F7: variants seen among roughly 807,000 people sequenced by gnomAD.
F7 encodes FVII coagulation protein.
Under a neutral mutation model 47.5 loss-of-function variants are expected in F7, and 38 were observed. The ratio of observed to expected loss-of-function variants is 0.80; its 90% CI spans 0.62 to 1.05. The LOEUF is 1.05. F7 is among the 50% of genes least tolerant of loss of function. F7 has a pLI of 0.00. For missense variants in F7, 575 were observed against 605.4 expected (o/e 0.95, Z 0.53); for synonymous variants, 244 against 258.5 (o/e 0.94, Z 0.54).
chr13:113,118,925 G>T lies in F7; in HGVS notation c.1252G>T (p.Val418Phe). 2 of 1,611,656 alleles carry T rather than the reference G, an allele frequency of 1.2e-6. No homozygotes were observed. Among genetic ancestry groups the T allele is most frequent in the Non-Finnish European group, 8.5e-7 (1 of 1,179,956 alleles). ...GGGCCACTTTGGGGTGTACACCAGGGTCTCCCAGTACATCGAGTGGCTGCA... is the reference window on the plus strand; with the variant it reads ...GGGCCACTTTGGGGTGTACACCAGGTTCTCCCAGTACATCGAGTGGCTGCA... ...TVGHFGVYTRVSQYIEWLQKL... is the reference protein window; with the variant it reads ...TVGHFGVYTRFSQYIEWLQKL... Residue 418 changes from valine to phenylalanine, a missense_variant, in exon 8 of 8, where the codon GTC becomes TTC. Val to Phe is a conservative substitution (Grantham distance 50). Coordinates refer to ENST00000346342, the MANE Select transcript of F7 (RefSeq NM_019616.4).
chr13:113,116,729 C>G, intron 5 of F7, 37 bp from the exon 6 acceptor site: 4 of 1,485,300 alleles, frequency 2.7e-6, no homozygotes, highest in Non-Finnish European at 3.8e-6. Flanking sequence ...TCATCCCTCA[C>G]AAATCTCTGC....
At position 113,113,730 on chromosome 13, in the gene F7, G is replaced by A. The variant is rs1450079731; in HGVS notation, c.226-22G>A. On this transcript the variant is annotated intron_variant, in intron 2 of 7. Transcript: ENST00000346342. The surrounding 1 kb of genome is among the most constrained non-coding windows in gnomAD (Gnocchi z 4.1). ...CTCTGGTGAAGGTGCATCTCACGAG[G>A]CTTGCTCTCTTGTTCCTTCAGAAGC... 1 of 1,612,864 alleles carries A rather than the reference G, an allele frequency of 6.2e-7. No homozygotes were observed. Among genetic ancestry groups the A allele is most frequent in the Non-Finnish European group, 8.5e-7 (1 of 1,178,956 alleles).
chr13:113,118,613 G>C lies in F7; in HGVS notation c.940G>C (p.Val314Leu), dbSNP rs374305125. The change falls in exon 8 of 8, where the codon GTG (valine) becomes CTG (leucine). Residue 314 changes from valine (V) to leucine (L), a missense_variant. By Grantham distance (32) the Val-to-Leu change is conservative. Transcript: ENST00000346342. Reference protein sequence around the residue: ...RTFSERTLAFVRFSLVSGWGQ... With the variant: ...RTFSERTLAFLRFSLVSGWGQ... ...GTTCTCTGAGAGGACGCTGGCCTTC[G>C]TGCGCTTCTCATTGGTCAGCGGCTG... The C allele has an allele frequency of 2.5e-6, 4 of 1,612,806 alleles. No individual in the cohort carries two copies. In the African/African-American group the frequency reaches 4.0e-5, roughly 16 times the overall value.
At chr13:113,114,979 G>C (rs534709947) in intron 4 of F7, 1 of 156,958 alleles carries the variant, frequency 6.4e-6, no homozygotes, top group African/African-American at 2.4e-5. Flanking sequence ...CAGCAAGCTG[G>C]AGGAGGCTGA....
In F7 at chr13:113,106,847, G is replaced by A. The variant is rs138470706; in HGVS notation, c.64+942G>A. The A allele has an allele frequency of 1.7e-5, 28 of 1,600,404 alleles. No individual in the cohort carries two copies. The highest frequency in any genetic ancestry group is 1.6e-4 in the Middle Eastern group (1 of 6,072). ...CCCCGGCCACCTTCCTGCCCCAGGC[G>A]GGGTCGCTAAGGCCTCAGGAGGAGA... On this transcript the variant is annotated intron_variant, in intron 1 of 7. Transcript: ENST00000346342.
At chr13:113,115,978 A>G (rs2142225518) in intron 5 of F7, among the ~76,000 whole-genome samples, 178 bp downstream of exon 5, 1 of 152,328 alleles carries the variant, frequency 6.6e-6, no homozygotes, top group South Asian at 2.1e-4. Context: ...AGCGACAGTG[A>G]CTAGGATGGG....
intron 1 of F7, among the ~76,000 whole-genome samples, chr13:113,107,228 C>G (rs2035978295): frequency 6.6e-6 from 1 of 151,400 alleles, no homozygotes; most frequent in Non-Finnish European, 1.5e-5. Flanking sequence ...TCTGCTCACA[C>G]CAGCCTCCAA....
At chr13:113,115,616 G>A (rs1216175846) in intron 4 of F7, 44 bp from the exon 5 acceptor site, 3 of 1,603,592 alleles carry the variant, frequency 1.9e-6, no homozygotes, top group Non-Finnish European at 2.6e-6. Flanking sequence ...GGCTCTCGCT[G>A]ACCCCCAGAA....
chr13:113,116,455 A>G (rs990361214), intron 5 of F7, among the ~76,000 whole-genome samples: 17 of 152,248 alleles, frequency 1.1e-4, no homozygotes, highest in Admixed American at 8.5e-4. Context: ...CAAACAACAC[A>G]TCTTCTCCCT....
chr13:113,112,303 T>C (rs1261660804), intron 2 of F7, among the ~76,000 whole-genome samples: 17 of 119,174 alleles, frequency 1.4e-4, no homozygotes, highest in Non-Finnish European at 2.6e-4. Flanking sequence ...CAGGTCACCT[T>C]ACTCTCACAG....
At chr13:113,118,160 G>C (rs1161100226) in intron 7 of F7, among the ~76,000 whole-genome samples, 1 of 152,130 alleles carries the variant, frequency 6.6e-6, no homozygotes, top group African/African-American at 2.4e-5. Context: ...CCTCCCAGCT[G>C]CCAGGGCACA....
rs750680622 is a variant in F7, at chr13:113,117,462, C to T, written c.616-11C>T. The T allele has an allele frequency of 1.2e-6, 2 of 1,613,774 alleles. No individual in the cohort carries two copies. The highest frequency in any genetic ancestry group is 2.2e-5 in the East Asian group (1 of 44,856). ...CAATGTGACTTCCACACCTCCTGTC[C>T]CCCCGCCCAGGTCCTGTTGTTGGTG... On this transcript the variant is annotated splice_polypyrimidine_tract_variant and intron_variant, in intron 6 of 7. Transcript: ENST00000346342.
intron 1 of F7, among the ~76,000 whole-genome samples, chr13:113,109,924 T>C (rs961759634): frequency 2.0e-5 from 3 of 152,216 alleles, no homozygotes; most frequent in African/African-American, 7.2e-5. Context: ...CCTGGGCGTC[T>C]CTGGCCCTCA....
intron 7 of F7, among the ~76,000 whole-genome samples, chr13:113,117,862 CACAG>C (rs1400069922): frequency 1.3e-5 from 2 of 152,232 alleles, no homozygotes; most frequent in African/African-American, 2.4e-5. Context: ...CTGTCACTTC[CACAG>C]ACAGACAGAC....
intron 1 of F7, 74 bp downstream of exon 1, chr13:113,105,979 C>T (rs2035945713): frequency 7.2e-7 from 1 of 1,380,114 alleles, no homozygotes; most frequent in Non-Finnish European, 9.9e-7. Context: ...GCCCGGGCTT[C>T]CCAAACCCCG....
chr13:113,116,140 A>G (rs1417558424), intron 5 of F7, among the ~76,000 whole-genome samples: 1 of 152,250 alleles, frequency 6.6e-6, no homozygotes, highest in Non-Finnish European at 1.5e-5. Flanking sequence ...CAATGTCTGT[A>G]CTGACTGCTG....
At position 113,107,849 on chromosome 13, in the gene F7, G is replaced by A. The variant is rs1204739435; in HGVS notation, c.64+1944G>A. On this transcript the variant is annotated intron_variant, in intron 1 of 7. Coordinates refer to ENST00000346342, the MANE Select transcript of F7 (RefSeq NM_019616.4). ...CGTGTCCCGGGGGCGTGGGTGTCCC[G>A]GGGGCGTGGGTGTCCCGGGGGCGTG... Among the ~76,000 whole-genome samples the A allele has an allele frequency of 2.4e-5, 2 of 82,170 alleles. 1 individual carries two copies. Among genetic ancestry groups the A allele is most frequent in the East Asian group, 1.3e-3 (2 of 1,526 alleles). The allele number at this position is 82,170 out of a possible 152,430, so 53.9% of individuals were successfully genotyped here. A position where few individuals can be genotyped will look rare whatever the true frequency, so the allele number is the denominator to read the frequency against.
Position 113,118,884 on chromosome 13 carries a change from A to G in F7, c.1211A>G (p.Gln404Arg). 6.2e-7 allele frequency: 1 copy of G among 1,612,670 alleles called. No homozygotes were observed. ...CTGACGGGCATCGTCAGCTGGGGCC[A>G]GGGCTGCGCAACCGTGGGCCACTTT... ...WYLTGIVSWG[Q>R]GCATVGHFGV... is the part of the protein sequence containing the mutation. Residue 404 changes from glutamine (Q) to arginine (R), a missense_variant, in exon 8 of 8, where the codon CAG becomes CGG. Gln to Arg is a conservative substitution (Grantham distance 43). Coordinates refer to ENST00000346342, the MANE Select transcript of F7 (RefSeq NM_019616.4).
Position 113,119,240 on chromosome 13 carries a change from T to G in F7, c.*232T>G. ...AAGAGACTCCAAGATTCAAAGAGAC[T>G]AATAGAGACACAGAGATGGAATAGA... On this transcript the variant is annotated 3_prime_UTR_variant, in exon 8 of 8. Coordinates refer to ENST00000346342, the MANE Select transcript of F7 (RefSeq NM_019616.4). 2 of 577,608 alleles carry G rather than the reference T, an allele frequency of 3.5e-6. No homozygotes were observed. The highest frequency in any genetic ancestry group is 4.4e-5 in the South Asian group (2 of 45,472). 35.8% of individuals were successfully genotyped at this position (577,608 alleles called of 1,614,324 possible).
Sources: gnomAD v4.1 joint callset for allele counts (sites outside exome capture counted in the v4.1 genomes callset) on GRCh38, gnomAD v4.1.1 for gene constraint, Gnocchi (gnomAD v3.1) non-coding constraint, MANE v1.5 for transcripts, NCBI Gene and HGNC (gene_info 2026-07-23, HGNC 2026-07-21) for gene names.